FRRS1: variants seen among roughly 807,000 people sequenced by gnomAD.
The protein encoded by FRRS1 is ferric chelate reductase 1.
Under a neutral mutation model 70.7 loss-of-function variants are expected in FRRS1, and 51 were observed. The ratio of observed to expected loss-of-function variants is 0.72; its 90% CI spans 0.58 to 0.91. FRRS1 has a LOEUF of 0.91. Among genes scored for constraint, FRRS1 ranks in the 40% least tolerant of loss-of-function variants. The pLI, the probability that FRRS1 is intolerant of heterozygous loss-of-function variation, is 0.00. For synonymous variants in FRRS1, 225 were observed against 238.7 expected, an observed-to-expected ratio of 0.94 and a Z score of 0.53; for missense variants, 672 against 726.0, an observed-to-expected ratio of 0.93 and a Z score of 0.86.
chr1:99,718,466 CTACAGGCG>C (rs1283013686), intron 10 of FRRS1, among the ~76,000 whole-genome samples: 1 of 152,104 alleles, frequency 6.6e-6, no homozygotes, highest in African/African-American at 2.4e-5. Flanking sequence ...GTAGCTGGGA[CTACAGGCG>C]TACACCACCA....
Position 99,712,127 on chromosome 1 carries a change from T to G in FRRS1, c.1458A>C (p.Gly486=). The G allele has an allele frequency of 6.2e-7, 1 of 1,610,682 alleles. No homozygotes were observed. The part of the protein sequence containing the change: ...QMFNWTHWSM[G]TAARIIAVAA... Reference sequence around the variant, plus strand: ...TACCTGCTATTATTCTAGCAGCTGTTCCCATACTCCAATGAGTCCAGTTAA... The same window carrying G: ...TACCTGCTATTATTCTAGCAGCTGTGCCCATACTCCAATGAGTCCAGTTAA... Residue 486 remains glycine (G), a synonymous_variant, in exon 14 of 17, where the codon GGA becomes GGC. Coordinates refer to ENST00000646001, the MANE Select transcript of FRRS1 (RefSeq NM_001361041.2).
At chr1:99,719,207 G>A (rs1654681926) in intron 10 of FRRS1, among the ~76,000 whole-genome samples, 1 of 151,934 alleles carries the variant, frequency 6.6e-6, no homozygotes, top group African/African-American at 2.4e-5. Context: ...TCAGGAAATC[G>A]AGACCATCCT....
At chr1:99,716,940 C>T (rs981016361) in intron 11 of FRRS1, among the ~76,000 whole-genome samples, 7 of 152,148 alleles carry the variant, frequency 4.6e-5, no homozygotes, top group African/African-American at 1.4e-4. Flanking sequence ...GATAGATGAT[C>T]CCAATTGATG....
intron 1 of FRRS1, among the ~76,000 whole-genome samples, chr1:99,760,954 G>A (rs889357627): frequency 1.3e-5 from 2 of 151,900 alleles, no homozygotes; most frequent in Non-Finnish European, 2.9e-5. Flanking sequence ...CTGGCCAGTA[G>A]GAAAGACTTC....
intron 1 of FRRS1, among the ~76,000 whole-genome samples, chr1:99,751,573 ACAAG>A (rs1328377026): frequency 6.6e-6 from 1 of 152,158 alleles, no homozygotes; most frequent in Non-Finnish European, 1.5e-5. Context: ...CAGAAACCAC[ACAAG>A]CAAGAAGAGA....
At chr1:99,709,320 TA>T (rs953623625) in intron 15 of FRRS1, 61 bp from the exon 16 acceptor site, 3 of 1,198,988 alleles carry the variant, frequency 2.5e-6, no homozygotes, top group Non-Finnish European at 3.7e-6. Context: ...TTAAATTTTT[TA>T]AAAAAACCTG....
At chr1:99,755,191 C>A (rs2172566) in intron 1 of FRRS1, among the ~76,000 whole-genome samples, 75,024 of 151,650 alleles carry the variant, frequency 0.49, 22,576 homozygotes, top group African/African-American at 0.85. Context: ...AGACTAAAGC[C>A]GGAGAATTAC....
intron 3 of FRRS1, 192 bp downstream of exon 3, chr1:99,748,381 C>A (rs537369338): frequency 1.7e-5 from 8 of 473,432 alleles, no homozygotes; most frequent in Admixed American, 8.2e-5. Context: ...TATTTTAAAG[C>A]CTGTTCTGGA....
At chr1:99,719,387 G>A in intron 10 of FRRS1, 147 bp downstream of exon 10, 2 of 503,238 alleles carry the variant, frequency 4.0e-6, no homozygotes, top group Non-Finnish European at 3.4e-6. Context: ...CCAGCCTGGT[G>A]ACAGAGCGAG....
intron 1 of FRRS1, among the ~76,000 whole-genome samples, chr1:99,763,401 C>T (rs1317548184): frequency 6.6e-6 from 1 of 152,092 alleles, no homozygotes. Flanking sequence ...GTGTATTCCC[C>T]ATTATTTCAT....
chr1:99,733,989 G>A (rs962961166), intron 7 of FRRS1, among the ~76,000 whole-genome samples: 3 of 152,194 alleles, frequency 2.0e-5, no homozygotes, highest in African/African-American at 7.2e-5. Flanking sequence ...ATAATGCACT[G>A]ATGTGGAAAT....
intron 7 of FRRS1, among the ~76,000 whole-genome samples, chr1:99,733,222 T>C (rs1655484569): frequency 6.6e-6 from 1 of 152,028 alleles, no homozygotes; most frequent in South Asian, 2.1e-4. Context: ...GAGGAAATCA[T>C]GGAAGCAAGA....
intron 7 of FRRS1, among the ~76,000 whole-genome samples, chr1:99,730,255 G>A (rs1019138737): frequency 7.2e-5 from 11 of 152,010 alleles, no homozygotes; most frequent in Non-Finnish European, 1.3e-4. Context: ...TTCTAAGATG[G>A]AAGACACTGT....
chr1:99,720,015 A>G (rs1226594606), intron 9 of FRRS1, among the ~76,000 whole-genome samples: 1 of 152,234 alleles, frequency 6.6e-6, no homozygotes, highest in East Asian at 1.9e-4. Context: ...AAGAGAATAC[A>G]TATTTTTTAA....
intron 7 of FRRS1, among the ~76,000 whole-genome samples, chr1:99,733,852 G>A (rs758209699): frequency 6.6e-6 from 1 of 152,126 alleles, no homozygotes; most frequent in Non-Finnish European, 1.5e-5. Flanking sequence ...CAGACTCAAA[G>A]TATCATCCCA....
At chr1:99,752,709 A>T (rs11166325) in intron 1 of FRRS1, among the ~76,000 whole-genome samples, 18,751 of 152,150 alleles carry the variant, frequency 0.12, 2,504 homozygotes, top group African/African-American at 0.33. Context: ...CCAGTAGTTC[A>T]AGACCAGCCT....
chr1:99,708,868 G>A lies in FRRS1; in HGVS notation c.*160C>T, dbSNP rs752449134. 4.0e-6 allele frequency: 6 copies of A among 1,483,564 alleles called. No homozygotes were observed. The highest frequency in any genetic ancestry group is 5.6e-6 in the Non-Finnish European group (6 of 1,062,542). 91.9% of individuals were successfully genotyped at this position (1,483,564 alleles called of 1,614,324 possible). On this transcript the variant is annotated 3_prime_UTR_variant, in exon 17 of 17. Transcript: ENST00000646001. ...AGTCTATATGACCCTCTTGAATGTT[G>A]TTCTCTAAAGGCTGGACTTCAGAAT...
chr1:99,755,179 G>C (rs1316799062), intron 1 of FRRS1, among the ~76,000 whole-genome samples: 1 of 151,962 alleles, frequency 6.6e-6, no homozygotes, highest in Non-Finnish European at 1.5e-5. Flanking sequence ...CAACACTTTG[G>C]GAGACTAAAG....
chr1:99,745,491 C>T (rs1656211084), intron 4 of FRRS1, among the ~76,000 whole-genome samples: 1 of 152,078 alleles, frequency 6.6e-6, no homozygotes, highest in South Asian at 2.1e-4. Context: ...CGAGACCAGC[C>T]TGGCCAACAT....
Sources: allele counts gnomAD v4.1 joint callset (sites outside exome capture counted in the v4.1 genomes callset), GRCh38; gene constraint gnomAD v4.1.1; transcripts MANE v1.5; gene names NCBI Gene and HGNC (gene_info 2026-07-23, HGNC 2026-07-21).